Variants in NFKB1 observed in about 807,000 individuals in gnomAD.
NFKB1 encodes nuclear factor kappa B subunit 1, also known as nuclear factor NF-kappa-B p105 subunit.
NFKB1 carries 9 observed loss-of-function variants against 105.1 expected under a neutral mutation model. That is an observed-to-expected ratio of 0.09 (90% CI 0.05 to 0.15). The LOEUF (loss-of-function observed/expected upper bound fraction) is 0.15, where lower values mean the gene tolerates loss of function less well. Among genes scored for constraint, NFKB1 ranks in the 10% least tolerant of loss-of-function variants. The probability of loss-of-function intolerance (pLI) is 1.00; values close to 1 mark genes in which losing one functional copy is unlikely to be tolerated. For synonymous variants in NFKB1, 440 were observed against 442.2 expected (o/e 1.00, Z 0.06); for missense variants, 830 against 1,203.7 (o/e 0.69, Z 4.59).
chr4:102,506,843 C>G (rs1739446050), intron 1 of NFKB1, among the ~76,000 whole-genome samples: 1 of 151,582 alleles, frequency 6.6e-6, no homozygotes, highest in Admixed American at 6.6e-5. Context: ...AACAAACATT[C>G]AAGTTTAAAA....
At chr4:102,578,695 G>C (rs1224761547) in intron 7 of NFKB1, 186 bp from the exon 8 acceptor site, 1 of 548,682 alleles carries the variant, frequency 1.8e-6, no homozygotes, top group Non-Finnish European at 3.1e-6. Flanking sequence ...GGTCTTCTTT[G>C]ATGCCTTTCA....
intron 6 of NFKB1, among the ~76,000 whole-genome samples, chr4:102,574,716 T>C (rs1724671122): frequency 6.6e-6 from 1 of 152,188 alleles, no homozygotes; most frequent in Non-Finnish European, 1.5e-5. Context: ...TTTTCTAGTG[T>C]CTAAAAACCA....
intron 7 of NFKB1, 134 bp downstream of exon 7, chr4:102,577,173 C>T: frequency 1.2e-6 from 1 of 861,464 alleles, no homozygotes; most frequent in Non-Finnish European, 1.7e-6. Flanking sequence ...TGCTCAGAAA[C>T]CTTTGATGGC....
At chr4:102,509,709 A>G (rs1009309310) in intron 1 of NFKB1, among the ~76,000 whole-genome samples, 2 of 152,202 alleles carry the variant, frequency 1.3e-5, no homozygotes, top group African/African-American at 4.8e-5. Context: ...TTCTCATGCC[A>G]GAAATCTAGA....
intron 5 of NFKB1, among the ~76,000 whole-genome samples, chr4:102,548,810 C>A (rs230518): frequency 6.6e-6 from 1 of 151,984 alleles, no homozygotes; most frequent in East Asian, 1.9e-4. Flanking sequence ...CTTCTCTCTG[C>A]GTCCCTGTGT....
intron 1 of NFKB1, among the ~76,000 whole-genome samples, chr4:102,514,791 T>G (rs1740014967): frequency 6.6e-6 from 1 of 152,192 alleles, no homozygotes. Flanking sequence ...CACAATAAGA[T>G]CATTGTTTTT....
At chr4:102,603,525 C>T (rs76719501) in intron 16 of NFKB1, among the ~76,000 whole-genome samples, 3,801 of 152,206 alleles carry the variant, frequency 0.025, 147 homozygotes, top group African/African-American at 0.084. Flanking sequence ...GAAGACTATA[C>T]GTCCATTTTT....
chr4:102,525,645 G>T (rs1332194706), intron 2 of NFKB1, 88 bp downstream of exon 2: 1 of 1,206,598 alleles, frequency 8.3e-7, no homozygotes, highest in African/African-American at 1.6e-5. Context: ...GTTAGCATTA[G>T]GAAAATTCTA....
intron 4 of NFKB1, among the ~76,000 whole-genome samples, chr4:102,536,887 C>G (rs1443052677): frequency 6.6e-6 from 1 of 152,190 alleles, no homozygotes; most frequent in Non-Finnish European, 1.5e-5. Context: ...TGGTTATAAA[C>G]TACTAACACT....
chr4:102,547,333 G>A (rs113517947), intron 5 of NFKB1, among the ~76,000 whole-genome samples: 2 of 152,302 alleles, frequency 1.3e-5, no homozygotes, highest in African/African-American at 4.8e-5. Context: ...GAAGGAGTAA[G>A]AGGTGTCTAG....
chr4:102,536,435 C>A (rs2149126336), intron 4 of NFKB1, among the ~76,000 whole-genome samples: 1 of 152,202 alleles, frequency 6.6e-6, no homozygotes, highest in South Asian at 2.1e-4. Context: ...TTAGGCCTTA[C>A]TTATCTGGTA....
At chr4:102,612,194 T>C in intron 21 of NFKB1, 84 bp downstream of exon 21, 1 of 1,299,524 alleles carries the variant, frequency 7.7e-7, no homozygotes, top group South Asian at 1.2e-5. Flanking sequence ...TTATCCAGGG[T>C]CTACTGTTAA....
chr4:102,541,772 T>C (rs1742013733), intron 5 of NFKB1, among the ~76,000 whole-genome samples: 1 of 152,184 alleles, frequency 6.6e-6, no homozygotes, highest in South Asian at 2.1e-4. Flanking sequence ...ATTTGCCACA[T>C]ATTCATTAAG....
intron 6 of NFKB1, among the ~76,000 whole-genome samples, chr4:102,575,309 T>A (rs188835349): frequency 1.2e-4 from 18 of 152,288 alleles, no homozygotes; most frequent in Admixed American, 2.6e-4. Flanking sequence ...GGGCCTCTGG[T>A]ATGAGTGCTC....
intron 5 of NFKB1, among the ~76,000 whole-genome samples, chr4:102,558,530 CATTT>C (rs1723161781): frequency 6.6e-6 from 1 of 152,198 alleles, no homozygotes; most frequent in Admixed American, 6.5e-5. Flanking sequence ...CCATAAATAA[CATTT>C]TATCCTGTCT....
intron 1 of NFKB1, among the ~76,000 whole-genome samples, chr4:102,518,723 G>A (rs938783725): frequency 6.6e-6 from 1 of 152,170 alleles, no homozygotes; most frequent in African/African-American, 2.4e-5. Flanking sequence ...GACTGGTACT[G>A]TTTGTAGCTA....
intron 5 of NFKB1, among the ~76,000 whole-genome samples, chr4:102,556,209 T>G (rs1722977624): frequency 2.6e-5 from 4 of 152,122 alleles, no homozygotes; most frequent in Non-Finnish European, 5.9e-5. Context: ...GAAAGGTGAT[T>G]AGTTCAGTTT....
At chr4:102,511,074 AT>A in intron 1 of NFKB1, 1 of 533,946 alleles carries the variant, frequency 1.9e-6, no homozygotes, top group Non-Finnish European at 2.7e-6. Context: ...GTATAGTGTG[AT>A]TTTTATTTTT....
chr4:102,614,059 C>T (rs1728699715), intron 23 of NFKB1, among the ~76,000 whole-genome samples: 1 of 152,122 alleles, frequency 6.6e-6, no homozygotes, highest in Non-Finnish European at 1.5e-5. Context: ...CAATTTTATT[C>T]TCCCACTCTG....
Sources: allele counts gnomAD v4.1 joint callset (sites outside exome capture counted in the v4.1 genomes callset), GRCh38; gene constraint gnomAD v4.1.1; transcripts MANE v1.5; gene names NCBI Gene and HGNC (gene_info 2026-07-23, HGNC 2026-07-21).